The following GABRB1 variants were observed in gnomAD, a reference collection of about 807,000 sequenced individuals.
GABRB1 encodes the protein gamma-aminobutyric acid type A receptor subunit beta1.
GABRB1 carries 17 observed loss-of-function variants against 51.6 expected under a neutral mutation model. The ratio of observed to expected loss-of-function variants is 0.33; its 90% CI spans 0.23 to 0.49. The LOEUF (loss-of-function observed/expected upper bound fraction) is 0.49, where lower values mean the gene tolerates loss of function less well. Among genes scored for constraint, GABRB1 ranks in the 20% least tolerant of loss-of-function variants. The pLI is 0.99. For missense variants in GABRB1, 410 were observed against 600.6 expected (o/e 0.68, Z 3.32); for synonymous variants, 247 against 218.9 (o/e 1.13, Z -1.14).
chr4:47,219,583 C>T (rs931651125), intron 4 of GABRB1, among the ~76,000 whole-genome samples: 3 of 151,722 alleles, frequency 2.0e-5, no homozygotes, highest in African/African-American at 7.2e-5. Flanking sequence ...GTGTTATTCC[C>T]TTCAATCCCT....
At chr4:47,386,735 G>GA (rs1024856197) in intron 5 of GABRB1, among the ~76,000 whole-genome samples, 2 of 151,016 alleles carry the variant, frequency 1.3e-5, no homozygotes, top group East Asian at 1.9e-4. Flanking sequence ...AAGAAGGAAG[G>GA]AAAAAAAAAT....
intron 3 of GABRB1, among the ~76,000 whole-genome samples, chr4:47,083,392 G>A (rs555294222): frequency 2.0e-5 from 3 of 152,198 alleles, no homozygotes; most frequent in African/African-American, 4.8e-5. Context: ...GGTAGGCAAA[G>A]CTTATCTGAA....
chr4:47,157,979 T>C (rs1427927886), intron 3 of GABRB1, among the ~76,000 whole-genome samples: 1 of 152,118 alleles, frequency 6.6e-6, no homozygotes, highest in Admixed American at 6.6e-5. Flanking sequence ...ACATTATTGC[T>C]TGAATTTATA....
At chr4:47,104,959 C>T (rs756682924) in intron 3 of GABRB1, among the ~76,000 whole-genome samples, 5 of 151,996 alleles carry the variant, frequency 3.3e-5, no homozygotes, top group Non-Finnish European at 5.9e-5. Flanking sequence ...CTTAACAGCA[C>T]ATTTATTTTG....
chr4:47,339,256 G>A lies in GABRB1; in HGVS notation c.544+19047G>A, dbSNP rs577308279. Among the ~76,000 whole-genome samples the A allele has an allele frequency of 1.1e-4, 17 of 152,276 alleles. No individual in the cohort carries two copies. The South Asian group carries it at 3.5e-3, about 32-fold the overall frequency. ...GTACACAGACATTCTGTTTTGGATA[G>A]GGAAGTTATGAAAAGCCAATAACAC... On this transcript the variant is annotated intron_variant, in intron 5 of 8. Transcript: ENST00000295454.
At chr4:47,233,956 C>T (rs1039546232) in intron 4 of GABRB1, among the ~76,000 whole-genome samples, 1 of 152,122 alleles carries the variant, frequency 6.6e-6, no homozygotes, top group African/African-American at 2.4e-5. Context: ...TTCCCTGAAA[C>T]AGTCACTTCA....
intron 4 of GABRB1, among the ~76,000 whole-genome samples, chr4:47,294,238 G>A (rs1723871437): frequency 6.6e-6 from 1 of 152,174 alleles, no homozygotes; most frequent in Admixed American, 6.5e-5. Context: ...TCACTAGGGA[G>A]TGCCAGACAA....
chr4:47,159,263 C>T (rs1717833945), intron 3 of GABRB1, among the ~76,000 whole-genome samples: 1 of 151,716 alleles, frequency 6.6e-6, no homozygotes, highest in African/African-American at 2.4e-5. Flanking sequence ...GCCAGGATGG[C>T]CAAGTGAGAC....
chr4:47,257,668 T>C (rs143451669), intron 4 of GABRB1, among the ~76,000 whole-genome samples: 1 of 151,502 alleles, frequency 6.6e-6, no homozygotes, highest in East Asian at 1.9e-4. Flanking sequence ...AATAAATTTT[T>C]ACAAATCAAG....
intron 4 of GABRB1, among the ~76,000 whole-genome samples, chr4:47,240,267 T>C (rs767992723): frequency 3.0e-4 from 46 of 152,228 alleles, no homozygotes; most frequent in Non-Finnish European, 5.7e-4. Flanking sequence ...GGTACAACTT[T>C]GTAAAAGTGA....
At chr4:47,399,507 T>C (rs1728306474) in intron 5 of GABRB1, among the ~76,000 whole-genome samples, 1 of 151,276 alleles carries the variant, frequency 6.6e-6, no homozygotes, top group Admixed American at 6.6e-5. Context: ...AAATTACCCA[T>C]TTCATCCACA....
chr4:47,081,693 T>C (rs1453556655), intron 3 of GABRB1, among the ~76,000 whole-genome samples: 1 of 152,142 alleles, frequency 6.6e-6, no homozygotes, highest in African/African-American at 2.4e-5. Context: ...CATACTATAA[T>C]GGCCTTTCTT....
Position 47,403,374 on chromosome 4 carries a change from A to C in GABRB1, c.601A>C (p.Thr201Pro). ...CTGGAATGGAGGAGAAGGGGCAGTC[A>C]CTGGTGTTAATAAAATCGAACTTCC... ...FYWNGGEGAV[T>P]GVNKIELPQF... Residue 201 changes from threonine to proline, a missense_variant, in exon 6 of 9, where the codon ACT (threonine) becomes CCT (proline). Thr to Pro is a conservative substitution (Grantham distance 38, BLOSUM62 -1). Transcript: ENST00000295454. The C allele has an allele frequency of 6.2e-7, 1 of 1,614,078 alleles. No homozygotes were observed. Among genetic ancestry groups the C allele is most frequent in the East Asian group, 2.2e-5 (1 of 44,888 alleles).
intron 3 of GABRB1, among the ~76,000 whole-genome samples, chr4:47,098,209 C>T (rs1188047571): frequency 6.6e-6 from 1 of 151,436 alleles, no homozygotes; most frequent in Non-Finnish European, 1.5e-5. Context: ...AGTCAAATTT[C>T]TTTCTTCCTT....
chr4:47,243,620 T>A (rs1400645647), intron 4 of GABRB1, among the ~76,000 whole-genome samples: 4 of 152,212 alleles, frequency 2.6e-5, no homozygotes, highest in Admixed American at 6.5e-5. Flanking sequence ...GTAAGTTGGA[T>A]TCCTAGGTAT....
chr4:47,256,062 A>T (rs1271196101), intron 4 of GABRB1, among the ~76,000 whole-genome samples: 1 of 152,210 alleles, frequency 6.6e-6, no homozygotes, highest in Non-Finnish European at 1.5e-5. Flanking sequence ...GGAGTGGGAA[A>T]TCTGAAGCCT....
At chr4:47,286,526 G>A (rs1329919131) in intron 4 of GABRB1, among the ~76,000 whole-genome samples, 2 of 151,854 alleles carry the variant, frequency 1.3e-5, no homozygotes, top group African/African-American at 4.8e-5. Context: ...CTCCTGCTAC[G>A]CCAGAACACT....
chr4:47,420,688 C>G (rs1044583234), intron 8 of GABRB1, among the ~76,000 whole-genome samples: 1 of 152,132 alleles, frequency 6.6e-6, no homozygotes, highest in South Asian at 2.1e-4. Flanking sequence ...AGCCCTTTCT[C>G]CATGGATATT....
At chr4:47,111,813 T>A (rs1334669680) in intron 3 of GABRB1, among the ~76,000 whole-genome samples, 1 of 152,062 alleles carries the variant, frequency 6.6e-6, no homozygotes, top group Non-Finnish European at 1.5e-5. Context: ...TGAAGTGAGC[T>A]GAGATCATAC....
Sources: allele counts gnomAD v4.1 joint callset (sites outside exome capture counted in the v4.1 genomes callset), GRCh38; gene constraint gnomAD v4.1.1; transcripts MANE v1.5; gene names NCBI Gene and HGNC (gene_info 2026-07-23, HGNC 2026-07-21).